TBCB: variants seen among roughly 807,000 people sequenced by gnomAD.
TBCB encodes tubulin folding cofactor B.
TBCB carries 18 observed loss-of-function variants against 29.2 expected under a neutral mutation model. The ratio of observed to expected loss-of-function variants is 0.62; its 90% confidence interval spans 0.43 to 0.91. The LOEUF is 0.91. Ranked by LOEUF, TBCB falls within the 40% of genes least tolerant of loss-of-function variation. The pLI is 0.00. For missense variants in TBCB, 336 were observed against 337.6 expected (o/e 1.00, Z 0.04); for synonymous variants, 172 against 137.8 (o/e 1.25, Z -1.74).
intron 2 of TBCB, among the ~76,000 whole-genome samples, chr19:36,120,106 C>G (rs1321060655): frequency 6.6e-6 from 1 of 152,126 alleles, no homozygotes; most frequent in Non-Finnish European, 1.5e-5. Flanking sequence ...CCTTAAGCCT[C>G]TTCCCTGTCA....
rs944343363 is a variant in TBCB, at chr19:36,121,615, C to T, written c.444C>T (p.Arg148=). 1.2e-5 allele frequency: 18 copies of T among 1,554,936 alleles called. No individual in the cohort carries two copies. In the African/African-American group the frequency reaches 1.6e-4, roughly 14 times the overall value. Residue 148 remains arginine, a synonymous_variant, in exon 4 of 6, where the codon CGC becomes CGT. Transcript: ENST00000221855. ...RAQQEAEAAQ[R]LAEEKAQASS... is the part of the protein sequence containing the mutation. Reference sequence around the variant, plus strand: ...AGCAGGAGGCCGAGGCCGCCCAGCGCCTGGCCGAGGAGAAGGCCCAGGCCA... The same window carrying T: ...AGCAGGAGGCCGAGGCCGCCCAGCGTCTGGCCGAGGAGAAGGCCCAGGCCA...
Position 36,125,020 on chromosome 19 carries a change from C to T in TBCB, c.548-431C>T, listed in dbSNP as rs1186981866. Reference sequence around the variant, plus strand: ...TTTTCATTGGGATGCTGTCTTTTGTCGCTGAGTTGTGTATTAGTTTGCTAA... The same window carrying T: ...TTTTCATTGGGATGCTGTCTTTTGTTGCTGAGTTGTGTATTAGTTTGCTAA... On this transcript the variant is annotated intron_variant, in intron 4 of 5. Transcript: ENST00000221855. Among the ~76,000 whole-genome samples, 5 of 152,020 alleles carry T rather than the reference C, an allele frequency of 3.3e-5. No homozygotes were observed. The East Asian group carries it at 7.7e-4, about 23-fold the overall frequency.
intron 4 of TBCB, among the ~76,000 whole-genome samples, chr19:36,122,967 T>TC (rs1416572431): frequency 2.0e-5 from 3 of 152,050 alleles, no homozygotes; most frequent in Non-Finnish European, 4.4e-5. Flanking sequence ...TGTGTACCCA[T>TC]CCCCCAGTCG....
Position 36,121,553 on chromosome 19 carries a change from A to G in TBCB, c.382A>G (p.Ser128Gly). Reference sequence around the variant, plus strand: ...CACGGTCCGCTCTTTCCTGAAGCGCAGCAAGCTCGGCCGGTACAACGAGGA... The same window carrying G: ...CACGGTCCGCTCTTTCCTGAAGCGCGGCAAGCTCGGCCGGTACAACGAGGA... ...QDTVRSFLKR[S>G]KLGRYNEEER... Residue 128 changes from serine (S) to glycine (G), a missense_variant, in exon 4 of 6, where the codon AGC (serine) becomes GGC (glycine). By Grantham distance (56) the Ser-to-Gly change is moderately conservative. Transcript: ENST00000221855. The G allele has an allele frequency of 1.9e-6, 3 of 1,561,162 alleles. No individual in the cohort carries two copies. The highest frequency in any genetic ancestry group is 1.7e-6 in the Non-Finnish European group (2 of 1,154,578).
Position 36,115,477 on chromosome 19 carries a change from CCAG to C in TBCB, c.-73_-71del, listed in dbSNP as rs77581492. 4.8e-5 allele frequency: 50 copies of C among 1,047,692 alleles called. No homozygotes were observed. The highest frequency in any genetic ancestry group is 5.8e-5 in the South Asian group (4 of 68,806). The allele number at this position is 1,047,692 out of a possible 1,614,324, so 64.9% of individuals were successfully genotyped here. A position where few individuals can be genotyped will look rare whatever the true frequency, so the allele number is the denominator to read the frequency against. On this transcript the variant is annotated 5_prime_UTR_variant, in exon 1 of 6. Transcript: ENST00000221855. ...CGGAGCAGGAGGCGGGGCTGATAGC[CCAG>C]CAGCAGCAGCGGCGGCGGCGGCTGC...
chr19:36,125,319 G>A lies in TBCB; in HGVS notation c.548-132G>A, dbSNP rs1233833905. 2.1e-5 allele frequency: 20 copies of A among 955,258 alleles called. No homozygotes were observed. The East Asian group carries it at 4.3e-4, about 21-fold the overall frequency. 59.2% of individuals were successfully genotyped at this position (955,258 alleles called of 1,614,324 possible). A position where few individuals can be genotyped will look rare whatever the true frequency, so the allele number is the denominator to read the frequency against. The stretch of plus-strand genomic sequence containing the variant: ...GGTGGTCCTAGTGGTAGCAATAGAG[G>A]TAGCAAGAAATGGTTTTCACCAAGA... On this transcript the variant is annotated intron_variant, in intron 4 of 5. Transcript: ENST00000221855.
At chr19:36,119,882 C>T (rs867843344) in intron 2 of TBCB, among the ~76,000 whole-genome samples, 1 of 148,108 alleles carries the variant, frequency 6.8e-6, no homozygotes, top group Non-Finnish European at 1.5e-5. Context: ...GGTGACAGAG[C>T]GAGACTCCGT....
In TBCB at chr19:36,125,578, C is replaced by T. The variant is rs1422269710; in HGVS notation, c.620+55C>T. 2.2e-5 allele frequency: 35 copies of T among 1,610,812 alleles called. No homozygotes were observed. In the South Asian group the frequency reaches 2.9e-4, roughly 13 times the overall value. ...GTGTGCATTTGTGTGTAAGTCCATGCGTGCTGCTTGCTGAGCTGCCCATGC... is the reference window on the plus strand; with the variant it reads ...GTGTGCATTTGTGTGTAAGTCCATGTGTGCTGCTTGCTGAGCTGCCCATGC... On this transcript the variant is annotated intron_variant, in intron 5 of 5. Coordinates refer to ENST00000221855, the MANE Select transcript of TBCB (RefSeq NM_001281.3).
chr19:36,118,626 G>A (rs1599863402), intron 2 of TBCB: 1 of 150,470 alleles, frequency 6.6e-6, no homozygotes, highest in South Asian at 2.1e-4. Flanking sequence ...GTTGCAGTGA[G>A]CTGAGATCAC....
At chr19:36,118,926 G>GAC (rs1192685791) in intron 2 of TBCB, among the ~76,000 whole-genome samples, 4 of 152,176 alleles carry the variant, frequency 2.6e-5, no homozygotes, top group Admixed American at 2.6e-4. Flanking sequence ...CCAGGAAGGG[G>GAC]CTGCTGTGAG....
Position 36,125,719 on chromosome 19 carries a change from C to G in TBCB, c.672C>G (p.Val224=). The change falls in exon 6 of 6, where the codon GTC becomes GTG. Residue 224 remains valine (V), a synonymous_variant. Transcript: ENST00000221855. ...FECQAKYGAF[V]KPAVVTVGDF... ...GCCAGGCCAAGTATGGCGCCTTTGT[C>G]AAGCCAGCAGTCGTGACGGTGGGGG... The G allele has an allele frequency of 6.3e-7, 1 of 1,582,392 alleles. No individual in the cohort carries two copies. The highest frequency in any genetic ancestry group is 8.6e-7 in the Non-Finnish European group (1 of 1,163,458).
chr19:36,115,194 T>C (rs1384779510), upstream of TBCB: 7 of 544,364 alleles, frequency 1.3e-5, no homozygotes, highest in East Asian at 2.2e-4. Context: ...CTTGGCTTGG[T>C]TGAAGGCCAG....
rs1973930316 is a variant in TBCB, at chr19:36,115,474, A to G, written c.-87A>G. The G allele has an allele frequency of 1.0e-6, 1 of 982,054 alleles. No homozygotes were observed. Among genetic ancestry groups the G allele is most frequent in the Non-Finnish European group, 1.5e-6 (1 of 653,860 alleles). 60.8% of individuals were successfully genotyped at this position (982,054 alleles called of 1,614,324 possible). On this transcript the variant is annotated 5_prime_UTR_variant, in exon 1 of 6. In the 5' UTR this introduces an upstream ATG that the reference lacks. Transcript: ENST00000221855. ...GCACGGAGCAGGAGGCGGGGCTGAT[A>G]GCCCAGCAGCAGCAGCGGCGGCGGC...
At chr19:36,120,531 T>C in intron 2 of TBCB, 179 bp from the exon 3 acceptor site, 1 of 561,636 alleles carries the variant, frequency 1.8e-6, no homozygotes, top group Non-Finnish European at 3.2e-6. Context: ...GAAGGGGAGG[T>C]GGCCAGTGTA....
At chr19:36,117,311 G>A (rs1245481355) in intron 2 of TBCB, among the ~76,000 whole-genome samples, 2 of 152,142 alleles carry the variant, frequency 1.3e-5, no homozygotes, top group Admixed American at 1.3e-4. Flanking sequence ...TTGGAATAGT[G>A]CCTGGGACAG....
chr19:36,122,974 G>T (rs1180131898), intron 4 of TBCB, among the ~76,000 whole-genome samples: 1 of 152,060 alleles, frequency 6.6e-6, no homozygotes, highest in Admixed American at 6.6e-5. Flanking sequence ...CCATCCCCCA[G>T]TCGTCTTCAG....
intron 4 of TBCB, among the ~76,000 whole-genome samples, chr19:36,122,454 G>T (rs1974071421): frequency 2.6e-5 from 4 of 151,606 alleles, no homozygotes; most frequent in Admixed American, 2.6e-4. Context: ...CAAAAAAAAG[G>T]CTGGGTGCAG....
At chr19:36,116,294 G>A (rs994977233) in intron 2 of TBCB, 110 bp downstream of exon 2, 8 of 1,433,536 alleles carry the variant, frequency 5.6e-6, no homozygotes, top group African/African-American at 1.4e-5. Flanking sequence ...TCCTGCCTTC[G>A]TGGAGCCTCC....
At position 36,125,536 on chromosome 19, in the gene TBCB, C is replaced by G. The variant is rs375391541; in HGVS notation, c.620+13C>G. ...AAAATGATGGCAGGTAACAAGAATTCCCACTCAGGTGTCTGTGTGTGCATT... is the reference window on the plus strand; with the variant it reads ...AAAATGATGGCAGGTAACAAGAATTGCCACTCAGGTGTCTGTGTGTGCATT... On this transcript the variant is annotated intron_variant, in intron 5 of 5. Transcript: ENST00000221855. 5.0e-6 allele frequency: 8 copies of G among 1,614,026 alleles called. No individual in the cohort carries two copies. The African/African-American group carries it at 1.1e-4, about 22-fold the overall frequency.
Sources: allele counts gnomAD v4.1 joint callset (sites outside exome capture counted in the v4.1 genomes callset), GRCh38; gene constraint gnomAD v4.1.1; transcripts MANE v1.5; gene names NCBI Gene and HGNC (gene_info 2026-07-23, HGNC 2026-07-21).